The following MYT1L variants were observed in gnomAD, a reference collection of about 807,000 sequenced individuals.
The protein encoded by MYT1L is myelin transcription factor 1 like, also known as myelin transcription factor 1-like protein.
MYT1L carries 12 observed loss-of-function variants against 126.7 expected under a neutral mutation model. That is an observed-to-expected ratio of 0.09 (90% CI 0.06 to 0.15). MYT1L has a LOEUF of 0.15. Among genes scored for constraint, MYT1L ranks in the 10% least tolerant of loss-of-function variants. MYT1L has a pLI of 1.00. For synonymous variants in MYT1L, 541 were observed against 604.2 expected, an observed-to-expected ratio of 0.90 and a Z score of 1.53; for missense variants, 979 against 1,585.2, an observed-to-expected ratio of 0.62 and a Z score of 6.49.
chr2:2,044,512 C>T (rs958318313), intron 4 of MYT1L, among the ~76,000 whole-genome samples: 16 of 152,196 alleles, frequency 1.1e-4, no homozygotes, highest in African/African-American at 3.4e-4. Flanking sequence ...AACCACAGCA[C>T]AAAACTCTGC....
chr2:1,866,473 G>A (rs1260814427), intron 18 of MYT1L, among the ~76,000 whole-genome samples: 2 of 137,208 alleles, frequency 1.5e-5, no homozygotes, highest in East Asian at 2.4e-4. Flanking sequence ...AGAGAGAGAG[G>A]GAGGAGAGGT....
At chr2:2,031,066 T>C (rs1558793489) in intron 4 of MYT1L, among the ~76,000 whole-genome samples, 1 of 152,224 alleles carries the variant, frequency 6.6e-6, no homozygotes. Context: ...AAAAACAGCA[T>C]GTTTACTCTA....
chr2:1,792,275 G>T, intron 24 of MYT1L, 46 bp downstream of exon 24: 1 of 1,552,938 alleles, frequency 6.4e-7, no homozygotes, highest in Non-Finnish European at 8.7e-7. Context: ...TAGGCTGTGC[G>T]CTGTGGAGGA....
chr2:1,890,947 CAGTCTT>C (rs74908005), intron 15 of MYT1L, among the ~76,000 whole-genome samples: 5,879 of 152,262 alleles, frequency 0.039, 155 homozygotes, highest in South Asian at 0.061. Flanking sequence ...TTTATTCTCT[CAGTCTT>C]AGTTTAATTT....
rs576867500 is a variant in MYT1L, at chr2:2,209,128, G to A, written c.-420-36140C>T. 1.4e-3 allele frequency among the ~76,000 whole-genome samples: 216 copies of A among 152,214 alleles called. 2 individuals are homozygous for A. Among genetic ancestry groups the A allele is most frequent in the Non-Finnish European group, 2.3e-3 (158 of 68,014 alleles). On this transcript the variant is annotated intron_variant, in intron 2 of 24. Transcript: ENST00000647738. ...TGTTTTTAATTTTTGTGGGCACATA[G>A]TAGGTGTACACATTTATGGATTACA...
intron 5 of MYT1L, among the ~76,000 whole-genome samples, chr2:1,996,446 A>G (rs1220096611): frequency 1.4e-5 from 2 of 147,924 alleles, no homozygotes; most frequent in African/African-American, 5.1e-5. Flanking sequence ...GCCTTTACCT[A>G]GTGAGTGAGG....
intron 4 of MYT1L, among the ~76,000 whole-genome samples, chr2:2,017,005 A>G (rs929412102): frequency 3.3e-5 from 5 of 152,260 alleles, no homozygotes; most frequent in African/African-American, 1.2e-4. Flanking sequence ...CTAATAATTG[A>G]GTCCAAAGGC....
Position 2,228,962 on chromosome 2 carries a change from G to A in MYT1L, c.-421+55442C>T, listed in dbSNP as rs1450708721. ...GAAGGATATGAAGTGAAACACGGGG[G>A]TCTTCCAACGTATCCAGCTGAGCTC... is the stretch of plus-strand genomic sequence containing the variant. On this transcript the variant is annotated intron_variant, in intron 2 of 24. Coordinates refer to ENST00000647738, the MANE Select transcript of MYT1L (RefSeq NM_001303052.2). This position sits in a 1 kb window ranked among gnomAD's most constrained non-coding sequence, Gnocchi z 5.9. Among the ~76,000 whole-genome samples the A allele has an allele frequency of 6.6e-6, 1 of 152,054 alleles. No homozygotes were observed. Among genetic ancestry groups the A allele is most frequent in the Non-Finnish European group, 1.5e-5 (1 of 68,028 alleles).
chr2:2,260,710 A>C (rs2149275698), intron 2 of MYT1L, among the ~76,000 whole-genome samples: 1 of 152,286 alleles, frequency 6.6e-6, no homozygotes, highest in African/African-American at 2.4e-5. Context: ...ATTTCCTAAA[A>C]GAATTTTCCC....
At position 1,929,973 on chromosome 2, in the gene MYT1L, G is replaced by A. The variant is rs1257857845; in HGVS notation, c.506-6710C>T. Among the ~76,000 whole-genome samples the A allele has an allele frequency of 1.3e-5, 2 of 152,212 alleles. No homozygotes were observed. The highest frequency in any genetic ancestry group is 6.5e-5 in the Admixed American group (1 of 15,286). On this transcript the variant is annotated intron_variant, in intron 9 of 24. Transcript: ENST00000647738. The surrounding 1 kb of genome is among the most constrained non-coding windows in gnomAD (Gnocchi z 4.7). ...CTCTAAGATAATTTTCTGAGACATA[G>A]GAAGATCCGTGTTTAGCAGGCATTC...
intron 4 of MYT1L, among the ~76,000 whole-genome samples, chr2:2,034,234 T>C (rs551503639): frequency 6.6e-6 from 1 of 152,302 alleles, no homozygotes; most frequent in South Asian, 2.1e-4. Flanking sequence ...ACTCGGCATC[T>C]CTATGAACAC....
intron 1 of MYT1L, among the ~76,000 whole-genome samples, chr2:2,287,531 GA>G (rs1354933613): frequency 2.6e-5 from 4 of 151,996 alleles, no homozygotes; most frequent in East Asian, 1.9e-4. Flanking sequence ...ATAGATTGTT[GA>G]AAAAAATATA....
chr2:2,049,474 G>T (rs1362249053), intron 4 of MYT1L, among the ~76,000 whole-genome samples: 2 of 152,164 alleles, frequency 1.3e-5, no homozygotes, highest in African/African-American at 4.8e-5. Context: ...AATCCCATCT[G>T]TGTCATTTAT....
intron 1 of MYT1L, among the ~76,000 whole-genome samples, chr2:2,300,716 T>C (rs946740631): frequency 3.9e-5 from 6 of 152,180 alleles, no homozygotes; most frequent in African/African-American, 1.4e-4. Context: ...AAGTGGACGT[T>C]CTCAAATCCA....
intron 2 of MYT1L, among the ~76,000 whole-genome samples, chr2:2,248,098 T>C (rs1325434181): frequency 6.6e-6 from 1 of 151,886 alleles, no homozygotes; most frequent in Non-Finnish European, 1.5e-5. Context: ...TGAAACTGTT[T>C]TTTTAAAAAG....
rs1465322725 is a variant in MYT1L at position 2,224,614 on chromosome 2, T to C, written c.-420-51626A>G. Among the ~76,000 whole-genome samples, 2 of 151,856 alleles carry C rather than the reference T, an allele frequency of 1.3e-5. No homozygotes were observed. Among genetic ancestry groups the C allele is most frequent in the African/African-American group, 4.8e-5 (2 of 41,336 alleles). On this transcript the variant is annotated intron_variant, in intron 2 of 24. Transcript: ENST00000647738. This position sits in a 1 kb window ranked among gnomAD's most constrained non-coding sequence, Gnocchi z 4.0. ...ACGGGCGGATCACGAGGTCAAGAGA[T>C]TGAGACCATCCTGGCTAACAAGGTG...
rs540524313 is a variant in MYT1L at position 2,233,846 on chromosome 2, T to C, written c.-421+50558A>G. ...CTGCCAAGCTCGTGGCCTTTAACTATGTCCAGCCACAGTCTGAAATACAGG... is the reference window on the plus strand; with the variant it reads ...CTGCCAAGCTCGTGGCCTTTAACTACGTCCAGCCACAGTCTGAAATACAGG... On this transcript the variant is annotated intron_variant, in intron 2 of 24. Coordinates refer to ENST00000647738, the MANE Select transcript of MYT1L (RefSeq NM_001303052.2). Among the ~76,000 whole-genome samples the C allele has an allele frequency of 6.6e-5, 10 of 152,316 alleles. No homozygotes were observed. In the South Asian group the frequency reaches 2.1e-3, roughly 32 times the overall value.
chr2:2,086,163 G>C (rs1027292025), intron 3 of MYT1L, among the ~76,000 whole-genome samples: 7 of 152,120 alleles, frequency 4.6e-5, no homozygotes, highest in Non-Finnish European at 8.8e-5. Context: ...TGAGTATGGA[G>C]GGCCAGACCT....
At position 2,060,307 on chromosome 2, in the gene MYT1L, T is replaced by C. The variant is rs550507794; in HGVS notation, c.-303-6184A>G. Among the ~76,000 whole-genome samples, 11 of 152,332 alleles carry C rather than the reference T, an allele frequency of 7.2e-5. No individual in the cohort carries two copies. In the East Asian group the frequency reaches 1.7e-3, roughly 24 times the overall value. ...TGTAGATCAATGAATTATTCATAGC[T>C]GTATTATAAAATTCATTTTAACTTT... is the stretch of plus-strand genomic sequence containing the variant. On this transcript the variant is annotated intron_variant, in intron 3 of 24. Transcript: ENST00000647738.
Sources: gnomAD v4.1 joint callset for allele counts (sites outside exome capture counted in the v4.1 genomes callset) on GRCh38, gnomAD v4.1.1 for gene constraint, Gnocchi (gnomAD v3.1) non-coding constraint, MANE v1.5 for transcripts, NCBI Gene and HGNC (gene_info 2026-07-23, HGNC 2026-07-21) for gene names.